Variants in KATNAL1 observed in about 807,000 individuals in gnomAD.
KATNAL1 encodes the protein katanin p60 ATPase-containing subunit A-like 1.
A neutral mutation model predicts 55.2 loss-of-function variants in KATNAL1; 32 were observed. The ratio of observed to expected loss-of-function variants is 0.58; its 90% confidence interval spans 0.44 to 0.78. KATNAL1 has a LOEUF of 0.78. Among genes scored for constraint, KATNAL1 ranks in the 30% least tolerant of loss-of-function variants. The pLI is 0.00. For missense variants in KATNAL1, 466 were observed against 600.9 expected, an observed-to-expected ratio of 0.78 and a Z score of 2.35; for synonymous variants, 193 against 193.6, an observed-to-expected ratio of 1.00 and a Z score of 0.02.
At chr13:30,283,882 T>TA in intron 1 of KATNAL1, 91 bp from the exon 2 acceptor site, 2 of 904,890 alleles carry the variant, frequency 2.2e-6, no homozygotes, top group East Asian at 5.5e-5. Context: ...AACTACTTTT[T>TA]TTTTTTTTTT....
At position 30,255,675 on chromosome 13, in the gene KATNAL1, T is replaced by C. The variant is rs867411106; in HGVS notation, c.324-60A>G. The C allele has an allele frequency of 3.3e-5, 43 of 1,306,092 alleles. No homozygotes were observed. The Middle Eastern group carries it at 1.2e-3, about 36-fold the overall frequency. 80.9% of individuals were successfully genotyped at this position (1,306,092 alleles called of 1,614,324 possible). A position where few individuals can be genotyped will look rare whatever the true frequency, so the allele number is the denominator to read the frequency against. ...AATTAAAATTAATCAAAGGCAAAAGTATGTCAATACTATCTTAGTCAATAA... is the reference window on the plus strand; with the variant it reads ...AATTAAAATTAATCAAAGGCAAAAGCATGTCAATACTATCTTAGTCAATAA... On this transcript the variant is annotated intron_variant, in intron 3 of 10. Transcript: ENST00000380615.
rs148598743 is a variant in KATNAL1, at chr13:30,207,353, G to A, written c.*1187C>T. The A allele has an allele frequency of 6.6e-6, 1 of 152,282 alleles. No individual in the cohort carries two copies. The highest frequency in any genetic ancestry group is 2.4e-5 in the African/African-American group (1 of 41,566). The allele number at this position is 152,282 out of a possible 1,614,324, so 9.4% of individuals were successfully genotyped here. On this transcript the variant is annotated 3_prime_UTR_variant, in exon 11 of 11. Transcript: ENST00000380615. ...TATCTTTATCTTAGTGTGTGTAAAAGTTCTCAACCTAGACAAGGACAAATT... is the reference window on the plus strand; with the variant it reads ...TATCTTTATCTTAGTGTGTGTAAAAATTCTCAACCTAGACAAGGACAAATT...
intron 2 of KATNAL1, among the ~76,000 whole-genome samples, chr13:30,280,948 T>C (rs1162688212): frequency 3.3e-5 from 5 of 151,734 alleles, no homozygotes; most frequent in Non-Finnish European, 5.9e-5. Context: ...AAGACCAGCC[T>C]GGGGAAACAA....
At chr13:30,210,476 T>C in intron 9 of KATNAL1, 34 bp from the exon 10 acceptor site, 1 of 1,570,666 alleles carries the variant, frequency 6.4e-7, no homozygotes. Flanking sequence ...TGTTAGATGT[T>C]TTACTTTACA....
chr13:30,260,012 G>A (rs150040679), intron 3 of KATNAL1, among the ~76,000 whole-genome samples: 3,273 of 152,278 alleles, frequency 0.021, 47 homozygotes, highest in Non-Finnish European at 0.033. Flanking sequence ...CTCCCAGCAC[G>A]CAGCTGGAGA....
chr13:30,280,056 T>C lies in KATNAL1; in HGVS notation c.323+7A>G. 1 of 1,607,532 alleles carries C rather than the reference T, an allele frequency of 6.2e-7. No homozygotes were observed. The highest frequency in any genetic ancestry group is 8.5e-7 in the Non-Finnish European group (1 of 1,178,100). ...AGCACCTAAAGAGAATATAAAGTCC[T>C]ATTTACCTGTGTTCTGCAGGAACAG... On this transcript the variant is annotated splice_region_variant and intron_variant, in intron 3 of 10. Coordinates refer to ENST00000380615, the MANE Select transcript of KATNAL1 (RefSeq NM_032116.5).
At chr13:30,300,745 G>T (rs1360259144) in intron 1 of KATNAL1, among the ~76,000 whole-genome samples, 1 of 152,136 alleles carries the variant, frequency 6.6e-6, no homozygotes, top group Non-Finnish European at 1.5e-5. Flanking sequence ...TTGGGTAATA[G>T]TCTCAAGGAC....
intron 1 of KATNAL1, among the ~76,000 whole-genome samples, chr13:30,285,207 T>A (rs1167478863): frequency 1.3e-5 from 2 of 152,210 alleles, no homozygotes; most frequent in Non-Finnish European, 2.9e-5. Context: ...TTTCCTCTTA[T>A]AAGGTTCCAT....
At chr13:30,296,627 G>A in intron 1 of KATNAL1, 1 of 701,186 alleles carries the variant, frequency 1.4e-6, no homozygotes, top group East Asian at 2.9e-5. Flanking sequence ...AGACCATCCA[G>A]TACACGGACG....
chr13:30,271,306 C>T (rs1033838804), intron 3 of KATNAL1, among the ~76,000 whole-genome samples: 5 of 152,140 alleles, frequency 3.3e-5, no homozygotes, highest in Admixed American at 2.0e-4. Context: ...GGACAAGAAC[C>T]TGTTCTTGCA....
chr13:30,212,438 ACT>A (rs1442472075), intron 9 of KATNAL1, among the ~76,000 whole-genome samples: 2 of 151,848 alleles, frequency 1.3e-5, no homozygotes, highest in African/African-American at 2.4e-5. Context: ...ACCCCTCACC[ACT>A]CTGTGCCTGG....
intron 4 of KATNAL1, among the ~76,000 whole-genome samples, chr13:30,250,892 A>C (rs1878231672): frequency 6.6e-6 from 1 of 152,232 alleles, no homozygotes; most frequent in Non-Finnish European, 1.5e-5. Context: ...TAATCCCAGC[A>C]CTTCGGGAGG....
rs9551881 is a variant in KATNAL1, at chr13:30,255,603, C to G, written c.336G>C (p.Gln112His). ...PVPAEHRAPP[Q>H]IRRPNREVRP... ...TTACTTCTCGATTGGGACGCCTGAT[C>G]TGAGGTGGAGCTCTGACAAAAAAAA... Residue 112 changes from glutamine (Q) to histidine (H), a missense_variant, in exon 4 of 11, where the codon CAG (glutamine) becomes CAC (histidine). By Grantham distance (24) the Gln-to-His change is conservative. Coordinates refer to ENST00000380615, the MANE Select transcript of KATNAL1 (RefSeq NM_032116.5). The G allele has an allele frequency of 1.0e-4, 148 of 1,453,766 alleles. No individual in the cohort carries two copies. The highest frequency in any genetic ancestry group is 1.3e-4 in the Non-Finnish European group (146 of 1,102,514). The allele number at this position is 1,453,766 out of a possible 1,614,324, so 90.1% of individuals were successfully genotyped here.
chr13:30,233,626 G>A (rs147051169), intron 6 of KATNAL1, among the ~76,000 whole-genome samples: 123 of 150,648 alleles, frequency 8.2e-4, no homozygotes, highest in African/African-American at 2.4e-3. Flanking sequence ...TCGATATGTC[G>A]AAGAATTATT....
chr13:30,278,236 AT>A (rs1321427928), intron 3 of KATNAL1, among the ~76,000 whole-genome samples: 4 of 151,796 alleles, frequency 2.6e-5, no homozygotes, highest in African/African-American at 9.7e-5. Flanking sequence ...ACAATATACA[AT>A]CTGAGATTTG....
intron 3 of KATNAL1, among the ~76,000 whole-genome samples, chr13:30,260,066 C>T (rs1226853958): frequency 7.9e-5 from 12 of 152,320 alleles, no homozygotes; most frequent in Non-Finnish European, 1.6e-4. Context: ...TCCCTGACCC[C>T]GACCCCCCAG....
chr13:30,295,600 C>T (rs186631791), intron 1 of KATNAL1, among the ~76,000 whole-genome samples: 21 of 148,102 alleles, frequency 1.4e-4, no homozygotes, highest in African/African-American at 4.7e-4. Flanking sequence ...CCCATCTCTA[C>T]AAAAAATTAA....
At chr13:30,214,398 T>A (rs1435137081) in intron 9 of KATNAL1, among the ~76,000 whole-genome samples, 2 of 152,164 alleles carry the variant, frequency 1.3e-5, no homozygotes, top group African/African-American at 4.8e-5. Context: ...CCAATGACTT[T>A]CTTCACAGAA....
At chr13:30,238,281 A>G (rs1401970273) in intron 6 of KATNAL1, among the ~76,000 whole-genome samples, 1 of 152,180 alleles carries the variant, frequency 6.6e-6, no homozygotes, top group Non-Finnish European at 1.5e-5. Flanking sequence ...TAACCTCACT[A>G]TATCCTATGA....
Sources: gnomAD v4.1 joint callset for allele counts (sites outside exome capture counted in the v4.1 genomes callset) on GRCh38, gnomAD v4.1.1 for gene constraint, MANE v1.5 for transcripts, NCBI Gene and HGNC (gene_info 2026-07-23, HGNC 2026-07-21) for gene names.